Variants in STAB2 observed in about 807,000 individuals in gnomAD.
STAB2 encodes the protein stabilin 2, also known as stabilin-2.
A neutral mutation model predicts 338.1 loss-of-function variants in STAB2; 288 were observed. That is an observed-to-expected ratio of 0.85 (90% CI 0.77 to 0.94). STAB2 has a LOEUF of 0.94. Ranked by LOEUF, STAB2 falls within the 40% of genes least tolerant of loss-of-function variation. The probability of loss-of-function intolerance (pLI) is 0.00; values close to 1 mark genes in which losing one functional copy is unlikely to be tolerated. For synonymous variants in STAB2, 1,202 were observed against 1,193.3 expected (o/e 1.01, Z -0.15); for missense variants, 3,141 against 3,210.1 (o/e 0.98, Z 0.52).
chr12:103,683,800 A>G (rs944836670), intron 26 of STAB2, among the ~76,000 whole-genome samples: 8 of 152,216 alleles, frequency 5.3e-5, no homozygotes, highest in Non-Finnish European at 7.3e-5. Flanking sequence ...CTCAACTTTG[A>G]AAGATCAGGC....
At chr12:103,609,526 C>T (rs986620039) in intron 3 of STAB2, among the ~76,000 whole-genome samples, 8 of 152,106 alleles carry the variant, frequency 5.3e-5, no homozygotes, top group African/African-American at 1.4e-4. Flanking sequence ...GTGATTTTTG[C>T]ACATTGATTT....
At chr12:103,711,294 G>T in intron 39 of STAB2, 177 bp from the exon 40 acceptor site, 1 of 714,154 alleles carries the variant, frequency 1.4e-6, no homozygotes, top group Non-Finnish European at 2.3e-6. Flanking sequence ...CTTCAGATTT[G>T]GCTTTGAGCT....
At chr12:103,695,708 T>C in intron 32 of STAB2, 29 bp from the exon 33 acceptor site, 2 of 1,614,136 alleles carry the variant, frequency 1.2e-6, no homozygotes, top group Non-Finnish European at 1.7e-6. Context: ...CAGGAATCCC[T>C]CATGCACTCT....
At chr12:103,669,331 C>A in intron 20 of STAB2, 1 of 568,456 alleles carries the variant, frequency 1.8e-6, no homozygotes, top group Non-Finnish European at 3.2e-6. Context: ...AGTGTTAGAG[C>A]CAGTCCAGCA....
At chr12:103,660,239 T>A (rs1360928593) in intron 15 of STAB2, 92 bp from the exon 16 acceptor site, 1 of 1,346,866 alleles carries the variant, frequency 7.4e-7, no homozygotes, top group Non-Finnish European at 1.1e-6. Flanking sequence ...GTCATTTTTC[T>A]TGATTGTCTA....
chr12:103,666,759 A>G (rs1413207897), intron 19 of STAB2, among the ~76,000 whole-genome samples: 1 of 152,184 alleles, frequency 6.6e-6, no homozygotes, highest in Admixed American at 6.5e-5. Flanking sequence ...AACAAGTCCT[A>G]ATATTTGTTC....
intron 23 of STAB2, 51 bp from the exon 24 acceptor site, chr12:103,675,877 T>C (rs1271171398): frequency 1.4e-6 from 2 of 1,474,058 alleles, no homozygotes; most frequent in Non-Finnish European, 9.4e-7. Context: ...GGCTCTCTTC[T>C]GGGTCGTTGG....
intron 19 of STAB2, among the ~76,000 whole-genome samples, chr12:103,667,457 C>T (rs946908462): frequency 2.6e-5 from 4 of 152,180 alleles, no homozygotes; most frequent in African/African-American, 7.2e-5. Flanking sequence ...TGTACAAGGT[C>T]ACACAGCTGA....
intron 52 of STAB2, among the ~76,000 whole-genome samples, chr12:103,736,338 A>G (rs1038811150): frequency 4.6e-5 from 7 of 152,214 alleles, no homozygotes; most frequent in Non-Finnish European, 7.3e-5. Context: ...GCATCTCCCA[A>G]TTGAGTTAAT....
intron 43 of STAB2, among the ~76,000 whole-genome samples, chr12:103,717,504 G>A (rs1880413028): frequency 6.6e-6 from 1 of 152,116 alleles, no homozygotes; most frequent in African/African-American, 2.4e-5. Context: ...CAAATGGAGT[G>A]AGAACATTAA....
At chr12:103,762,774 C>T (rs11111752) in intron 67 of STAB2, among the ~76,000 whole-genome samples, 40,858 of 152,080 alleles carry the variant, frequency 0.27, 5,805 homozygotes, top group South Asian at 0.47. Context: ...GCTTCAAGAC[C>T]GGCTCTGAGA....
chr12:103,707,120 A>G, intron 38 of STAB2, 133 bp downstream of exon 38: 2 of 868,440 alleles, frequency 2.3e-6, no homozygotes, highest in African/African-American at 1.7e-5. Flanking sequence ...ACCTGCTACT[A>G]TCACTGTGAA....
In STAB2 at chr12:103,750,672, A is replaced by T; in HGVS notation, c.6532A>T (p.Asn2178Tyr). ...GCCCATTGACCGCTGCTTACAGGAC[A>T]ATGGGCAGTGCCATGCAGACGCCAA... ...QLPIDRCLQD[N>Y]GQCHADAKCV... Residue 2178 changes from asparagine to tyrosine, a missense_variant, in exon 60 of 69, where the codon AAT becomes TAT. Asn to Tyr is a moderately radical substitution (Grantham distance 143). Transcript: ENST00000388887. The T allele has an allele frequency of 6.2e-7, 1 of 1,614,244 alleles. No individual in the cohort carries two copies. The highest frequency in any genetic ancestry group is 8.5e-7 in the Non-Finnish European group (1 of 1,180,026).
chr12:103,607,985 T>C (rs1957059221), intron 3 of STAB2, among the ~76,000 whole-genome samples: 1 of 152,230 alleles, frequency 6.6e-6, no homozygotes, highest in Non-Finnish European at 1.5e-5. Flanking sequence ...ATGGTTGAAC[T>C]AGTTTACAGT....
chr12:103,719,870 G>T (rs1389319865), intron 44 of STAB2, among the ~76,000 whole-genome samples: 2 of 152,176 alleles, frequency 1.3e-5, no homozygotes, highest in Non-Finnish European at 2.9e-5. Context: ...CTCAAGACCT[G>T]CACCCTTGAC....
chr12:103,597,069 A>C (rs1956887644), intron 3 of STAB2, among the ~76,000 whole-genome samples: 2 of 151,942 alleles, frequency 1.3e-5, no homozygotes, highest in African/African-American at 4.8e-5. Flanking sequence ...AGGCCTGGAC[A>C]TTATTTCTAC....
chr12:103,684,523 A>G (rs1455518326), intron 26 of STAB2, among the ~76,000 whole-genome samples: 1 of 152,230 alleles, frequency 6.6e-6, no homozygotes, highest in Non-Finnish European at 1.5e-5. Flanking sequence ...AAGCCCTGAC[A>G]TTCCAGATGT....
intron 22 of STAB2, among the ~76,000 whole-genome samples, chr12:103,672,160 AAC>A (rs1262338122): frequency 6.6e-6 from 1 of 152,212 alleles, no homozygotes; most frequent in African/African-American, 2.4e-5. Context: ...TTTCCTATGA[AAC>A]ACACAACCCT....
At chr12:103,743,890 C>T (rs960392893) in intron 56 of STAB2, among the ~76,000 whole-genome samples, 3 of 152,116 alleles carry the variant, frequency 2.0e-5, no homozygotes, top group Non-Finnish European at 4.4e-5. Context: ...CACCAGGGGC[C>T]AGATCTTCTT....
Sources: gnomAD v4.1 joint callset for allele counts (sites outside exome capture counted in the v4.1 genomes callset) on GRCh38, gnomAD v4.1.1 for gene constraint, MANE v1.5 for transcripts, NCBI Gene and HGNC (gene_info 2026-07-23, HGNC 2026-07-21) for gene names.